Variants in CLRN1 observed in about 807,000 individuals in gnomAD.
The protein encoded by CLRN1 is clarin-1.
In CLRN1, 15 loss-of-function variants were observed where a neutral mutation model predicts 18.7. That is an observed-to-expected ratio of 0.80 (90% CI 0.54 to 1.23). The LOEUF (loss-of-function observed/expected upper bound fraction) is 1.23. CLRN1 is among the 50% of genes most tolerant of loss of function. The pLI, the probability that CLRN1 is intolerant of heterozygous loss-of-function variation, is 0.00. For synonymous variants in CLRN1, 104 were observed against 102.9 expected, an observed-to-expected ratio of 1.01 and a Z score of -0.07; for missense variants, 311 against 277.5, an observed-to-expected ratio of 1.12 and a Z score of -0.86.
intron 2 of CLRN1, among the ~76,000 whole-genome samples, chr3:150,941,168 C>A (rs1421826095): frequency 1.8e-5 from 2 of 108,284 alleles, no homozygotes; most frequent in African/African-American, 3.0e-5. Flanking sequence ...ATCTATCTAT[C>A]TATCTCTTTC....
At chr3:150,958,231 A>G (rs1714851463) in intron 1 of CLRN1, among the ~76,000 whole-genome samples, 1 of 152,258 alleles carries the variant, frequency 6.6e-6, no homozygotes, top group Non-Finnish European at 1.5e-5. Flanking sequence ...TCCATTCAGT[A>G]GAAACCTGGG....
At chr3:150,958,903 C>T (rs1714887417) in intron 1 of CLRN1, among the ~76,000 whole-genome samples, 1 of 152,150 alleles carries the variant, frequency 6.6e-6, no homozygotes, top group Non-Finnish European at 1.5e-5. Context: ...AATTTAATTG[C>T]CAGTGTGACA....
chr3:150,941,800 T>C, intron 1 of CLRN1, 39 bp from the exon 2 acceptor site: 2 of 1,547,476 alleles, frequency 1.3e-6, no homozygotes, highest in Non-Finnish European at 1.8e-6. Flanking sequence ...AGAAGTTTCA[T>C]TAGCAGTAGT....
intron 1 of CLRN1, among the ~76,000 whole-genome samples, chr3:150,971,686 T>G (rs1366612930): frequency 1.3e-5 from 2 of 152,230 alleles, no homozygotes; most frequent in East Asian, 3.8e-4. Flanking sequence ...GTAAGAGATA[T>G]AACAAATGAC....
Position 150,927,120 on chromosome 3 carries a change from T to C in CLRN1, c.*816A>G. The C allele has an allele frequency of 1.4e-6, 1 of 718,698 alleles. No homozygotes were observed. The highest frequency in any genetic ancestry group is 2.4e-6 in the Non-Finnish European group (1 of 409,886). 44.5% of individuals were successfully genotyped at this position (718,698 alleles called of 1,614,324 possible). A position where few individuals can be genotyped will look rare whatever the true frequency, so the allele number is the denominator to read the frequency against. On this transcript the variant is annotated 3_prime_UTR_variant, in exon 3 of 3. Coordinates refer to ENST00000327047, the MANE Select transcript of CLRN1 (RefSeq NM_174878.3). ...ATGATTCCTCAGTGGTCCTAACAAT[T>C]ATGTTCATTGAAAGTACTGTCGTGA...
intron 2 of CLRN1, among the ~76,000 whole-genome samples, chr3:150,931,054 C>A (rs933243076): frequency 1.3e-5 from 2 of 152,138 alleles, no homozygotes; most frequent in African/African-American, 4.8e-5. Context: ...AGGATAGAAA[C>A]CCAGCCTGAG....
At position 150,948,470 on chromosome 3, in the gene CLRN1, C is replaced by G. The variant is rs377262663; in HGVS notation, c.254-6709G>C. 5.4e-4 allele frequency among the ~76,000 whole-genome samples: 58 copies of G among 107,234 alleles called. 1 individual carries two copies. Among genetic ancestry groups the G allele is most frequent in the Middle Eastern group, 9.4e-3 (1 of 106 alleles). 70.3% of individuals were successfully genotyped at this position (107,234 alleles called of 152,430 possible). On this transcript the variant is annotated intron_variant, in intron 1 of 2. Coordinates refer to ENST00000327047, the MANE Select transcript of CLRN1 (RefSeq NM_174878.3). The stretch of plus-strand genomic sequence containing the variant: ...CTGCACTCCAGCCTGGGCGACAGAG[C>G]GAGACTCCGTCTCAAAAAAAAAAAA...
intron 1 of CLRN1, among the ~76,000 whole-genome samples, chr3:150,968,429 G>A (rs1246850024): frequency 6.6e-6 from 1 of 152,178 alleles, no homozygotes; most frequent in Non-Finnish European, 1.5e-5. Context: ...TATGAATGCT[G>A]GTGACCTCTA....
Position 150,927,578 on chromosome 3 carries a change from T to G in CLRN1, c.*358A>C. ...GATATATTAGAGATATTATTTGTTT[T>G]TATTAAAATATATTCCATGTGCCTT... On this transcript the variant is annotated 3_prime_UTR_variant, in exon 3 of 3. Coordinates refer to ENST00000327047, the MANE Select transcript of CLRN1 (RefSeq NM_174878.3). 1 of 464,674 alleles carries G rather than the reference T, an allele frequency of 2.2e-6. No individual in the cohort carries two copies. The highest frequency in any genetic ancestry group is 4.2e-6 in the Non-Finnish European group (1 of 235,484). 28.8% of individuals were successfully genotyped at this position (464,674 alleles called of 1,614,324 possible).
Position 150,927,994 on chromosome 3 carries a change from G to A in CLRN1, c.641C>T (p.Pro214Leu). The change falls in exon 3 of 3, where the codon CCT (proline) becomes CTT (leucine). Residue 214 changes from proline to leucine, a missense_variant. Pro to Leu is a moderately conservative substitution (Grantham distance 98, BLOSUM62 -3). Transcript: ENST00000327047. ...TTCTGCGTCTTTAGATTTTGCAAAA[G>A]GGAACTGAAATCCAGCAAGTCGTAT... ...LLIRLAGFQF[P>L]FAKSKDAETT... 6.2e-7 allele frequency: 1 copy of A among 1,614,138 alleles called. No individual in the cohort carries two copies. Among genetic ancestry groups the A allele is most frequent in the Admixed American group, 1.7e-5 (1 of 60,024 alleles).
chr3:150,943,965 G>A (rs1439885016), intron 1 of CLRN1: 1 of 1,524,260 alleles, frequency 6.6e-7, no homozygotes, highest in Non-Finnish European at 9.0e-7. Flanking sequence ...CCTGTTGGGA[G>A]TCCCATGAAG....
At chr3:150,962,675 G>A (rs1244624942) in intron 1 of CLRN1, among the ~76,000 whole-genome samples, 1 of 152,110 alleles carries the variant, frequency 6.6e-6, no homozygotes, top group Non-Finnish European at 1.5e-5. Context: ...AGCTAACTTT[G>A]AAGATCATAC....
chr3:150,950,048 A>G (rs546795814), intron 1 of CLRN1, among the ~76,000 whole-genome samples: 1 of 152,280 alleles, frequency 6.6e-6, no homozygotes, highest in Non-Finnish European at 1.5e-5. Flanking sequence ...CCTGGGAAAA[A>G]CAAGCAACGG....
chr3:150,939,095 C>T (rs1291234374), intron 2 of CLRN1, among the ~76,000 whole-genome samples: 5 of 152,206 alleles, frequency 3.3e-5, no homozygotes, highest in Non-Finnish European at 7.3e-5. Context: ...TCCAGCTTTG[C>T]TTTTCTCTGC....
At chr3:150,972,867 G>A, upstream of CLRN1, 2 of 948,432 alleles carry the variant, frequency 2.1e-6, no homozygotes, top group South Asian at 1.4e-5. Flanking sequence ...CAGGTTAAAT[G>A]TCAGTAGATG....
chr3:150,943,374 C>A (rs146524016), intron 1 of CLRN1, among the ~76,000 whole-genome samples: 82 of 152,280 alleles, frequency 5.4e-4, no homozygotes, highest in African/African-American at 1.9e-3. Context: ...CTATCCTCTG[C>A]CTATAAATAC....
chr3:150,927,217 GT>G lies in CLRN1; in HGVS notation c.*718del, dbSNP rs935352882. The G allele has an allele frequency of 9.9e-6, 5 of 507,394 alleles. No homozygotes were observed. Among genetic ancestry groups the G allele is most frequent in the South Asian group, 1.5e-5 (1 of 64,998 alleles). The allele number at this position is 507,394 out of a possible 1,614,324, so 31.4% of individuals were successfully genotyped here. A position where few individuals can be genotyped will look rare whatever the true frequency, so the allele number is the denominator to read the frequency against. On this transcript the variant is annotated 3_prime_UTR_variant, in exon 3 of 3. Transcript: ENST00000327047. The stretch of plus-strand genomic sequence containing the variant: ...TTTTTTCTTCTTTTCTTCTTTTAGA[GT>G]TTGCAGATTTTGACCAACAGACATG...
chr3:150,940,778 A>G (rs1713771225), intron 2 of CLRN1, among the ~76,000 whole-genome samples: 2 of 152,202 alleles, frequency 1.3e-5, no homozygotes, highest in Non-Finnish European at 2.9e-5. Flanking sequence ...GATAGTAAGC[A>G]CCATTTGGCA....
intron 1 of CLRN1, among the ~76,000 whole-genome samples, chr3:150,968,759 A>C (rs1715383093): frequency 6.6e-6 from 1 of 152,162 alleles, no homozygotes; most frequent in African/African-American, 2.4e-5. Flanking sequence ...ACCATCAATC[A>C]CCAACTTGTT....
Sources: allele counts gnomAD v4.1 joint callset (sites outside exome capture counted in the v4.1 genomes callset), GRCh38; gene constraint gnomAD v4.1.1; transcripts MANE v1.5; gene names NCBI Gene and HGNC (gene_info 2026-07-23, HGNC 2026-07-21).